Variants in ACTA2 observed in about 807,000 individuals in gnomAD.
ACTA2 encodes the protein actin, aortic smooth muscle.
Under a neutral mutation model 39.5 loss-of-function variants are expected in ACTA2, and 12 were observed. The ratio of observed to expected loss-of-function variants is 0.30; its 90% confidence interval spans 0.19 to 0.49. The LOEUF is 0.49. Among genes scored for constraint, ACTA2 ranks in the 20% least tolerant of loss-of-function variants. The probability of loss-of-function intolerance (pLI) is 0.99; values close to 1 mark genes in which losing one functional copy is unlikely to be tolerated. For synonymous variants in ACTA2, 158 were observed against 180.6 expected (o/e 0.88, Z 1.00); for missense variants, 236 against 498.8 (o/e 0.47, Z 5.02).
chr10:88,955,321 G>A (rs1296779932), upstream of ACTA2, among the ~76,000 whole-genome samples: 9 of 152,210 alleles, frequency 5.9e-5, no homozygotes, highest in Admixed American at 1.3e-4. Context: ...TGCTGGTGCC[G>A]AAAAATTGGG....
At chr10:88,941,075 A>G in intron 6 of ACTA2, 154 bp downstream of exon 6, 1 of 958,432 alleles carries the variant, frequency 1.0e-6, no homozygotes, top group Non-Finnish European at 1.6e-6. Context: ...AACTTCACAC[A>G]GCAAAGAAAG....
chr10:88,982,034 A>G (rs1211503707), intron 1 of ACTA2, among the ~76,000 whole-genome samples: 1 of 152,262 alleles, frequency 6.6e-6, no homozygotes, highest in Non-Finnish European at 1.5e-5. Context: ...GGTCTAACAC[A>G]TAGTGAGTGC....
chr10:88,984,690 C>A (rs999516469), intron 1 of ACTA2, among the ~76,000 whole-genome samples: 4 of 151,602 alleles, frequency 2.6e-5, no homozygotes, highest in Non-Finnish European at 5.9e-5. Flanking sequence ...TTTAGTTATT[C>A]ATGAAACCAC....
At chr10:88,963,449 A>G (rs1300411916) in intron 1 of ACTA2, among the ~76,000 whole-genome samples, 1 of 152,112 alleles carries the variant, frequency 6.6e-6, no homozygotes, top group Non-Finnish European at 1.5e-5. Context: ...GAAAGGGATG[A>G]CTAGAATCTC....
At chr10:88,967,593 C>T (rs1279839660) in intron 1 of ACTA2, among the ~76,000 whole-genome samples, 2 of 152,178 alleles carry the variant, frequency 1.3e-5, no homozygotes, top group Non-Finnish European at 2.9e-5. Context: ...CGCAGCTTGG[C>T]AACCTTCAAA....
At chr10:88,943,961 T>C (rs1589396384) in intron 3 of ACTA2, 54 bp from the exon 4 acceptor site, 1 of 1,528,044 alleles carries the variant, frequency 6.5e-7, no homozygotes, top group Non-Finnish European at 9.1e-7. Context: ...CATGAGGTCC[T>C]GCATTTCCCA....
Position 88,965,010 on chromosome 10 carries a change from A to G in ACTA2, c.-23-16057T>C, listed in dbSNP as rs193268736. ...CATATAGTCCAGCCCTGTGTATTCT[A>G]TTTCCAGAGCCGGGGATAGCTTCCC... On this transcript the variant is annotated intron_variant, in intron 1 of 4. Coordinates refer to the ACTA2 transcript ENST00000415557. 4.6e-5 allele frequency among the ~76,000 whole-genome samples: 7 copies of G among 152,188 alleles called. No homozygotes were observed. The East Asian group carries it at 9.6e-4, about 21-fold the overall frequency.
At chr10:88,970,203 A>C (rs146937387) in intron 1 of ACTA2, among the ~76,000 whole-genome samples, 18 of 152,272 alleles carry the variant, frequency 1.2e-4, no homozygotes, top group Non-Finnish European at 5.9e-5. Context: ...TTCTCTACTC[A>C]TAGGCAAAGT....
At chr10:88,955,536 A>G (rs2133288686), upstream of ACTA2, among the ~76,000 whole-genome samples, 1 of 152,330 alleles carries the variant, frequency 6.6e-6, no homozygotes, top group African/African-American at 2.4e-5. Context: ...CACAATGGCC[A>G]TCCTGCCACA....
At chr10:88,980,941 G>T (rs569454863) in intron 1 of ACTA2, among the ~76,000 whole-genome samples, 11 of 152,322 alleles carry the variant, frequency 7.2e-5, no homozygotes, top group Non-Finnish European at 1.3e-4. Flanking sequence ...GGTCACAAAG[G>T]GATAAAGTGA....
At chr10:88,974,890 T>C in intron 1 of ACTA2, 1 of 152,220 alleles carries the variant, frequency 6.6e-6, no homozygotes, top group East Asian at 1.9e-4. Context: ...AAATCCTAAA[T>C]GCTAGATCAC....
chr10:88,939,573 G>A lies in ACTA2; in HGVS notation c.742C>T (p.Gln248Ter). The part of the protein sequence containing the change: ...LEKSYELPDG[Q>*]VITIGNERFR... ...CGTTCATTTCCGATGGTGATCACTT[G>A]CCCATCAGGCAACTCGTAACTCTTC... Residue 248 changes from glutamine to a stop codon, truncating the protein, a stop_gained, in exon 7 of 9, where the codon CAA becomes TAA. Coordinates refer to ENST00000224784, the MANE Select transcript of ACTA2 (RefSeq NM_001613.4). LOFTEE classifies it high-confidence loss of function. 6.2e-7 allele frequency: 1 copy of A among 1,614,082 alleles called. No homozygotes were observed. The highest frequency in any genetic ancestry group is 8.5e-7 in the Non-Finnish European group (1 of 1,179,982).
In ACTA2 at chr10:88,975,587, G is replaced by C. The variant is rs1034900201; in HGVS notation, c.-24+15352C>G. Among the ~76,000 whole-genome samples, 13 of 152,148 alleles carry C rather than the reference G, an allele frequency of 8.5e-5. 1 individual carries two copies. The highest frequency in any genetic ancestry group is 2.4e-4 in the African/African-American group (10 of 41,422). ...AATAAATGTGTGGGCTCTGGGCTTA[G>C]GAAAATGGGGCCCTGACTACTTTTC... On this transcript the variant is annotated intron_variant, in intron 1 of 4. Transcript: ENST00000415557.
At chr10:88,989,473 T>C in intron 1 of ACTA2, 1 of 543,090 alleles carries the variant, frequency 1.8e-6, no homozygotes, top group South Asian at 1.4e-5. Flanking sequence ...TATTAGATGC[T>C]CAGAGTGTGT....
chr10:88,957,177 G>A (rs1019138960), upstream of ACTA2, among the ~76,000 whole-genome samples: 4 of 152,258 alleles, frequency 2.6e-5, no homozygotes, highest in African/African-American at 7.2e-5. Context: ...TGGCCAACTA[G>A]GAAAGTGGAA....
At chr10:88,975,501 T>A (rs907749047) in intron 1 of ACTA2, among the ~76,000 whole-genome samples, 1 of 152,128 alleles carries the variant, frequency 6.6e-6, no homozygotes, top group African/African-American at 2.4e-5. Context: ...ACGTAAAGAA[T>A]CAGGTGGAAC....
At chr10:88,950,644 G>T (rs1218025540) in intron 1 of ACTA2, among the ~76,000 whole-genome samples, 1 of 152,192 alleles carries the variant, frequency 6.6e-6, no homozygotes, top group Non-Finnish European at 1.5e-5. Flanking sequence ...GATACATTTA[G>T]GACAACGAAG....
intron 3 of ACTA2, among the ~76,000 whole-genome samples, chr10:88,945,154 TAAGGA>T (rs1246509940): frequency 6.6e-6 from 1 of 152,220 alleles, no homozygotes; most frequent in Non-Finnish European, 1.5e-5. Flanking sequence ...ATTTTAGAAA[TAAGGA>T]AAGTTTTTTC....
intron 3 of ACTA2, 44 bp from the exon 4 acceptor site, chr10:88,943,951 C>T (rs1301990472): frequency 1.9e-6 from 3 of 1,568,962 alleles, no homozygotes; most frequent in Non-Finnish European, 2.6e-6. Context: ...GATGTGCTGT[C>T]ATGAGGTCCT....
Sources: gnomAD v4.1 joint callset for allele counts (sites outside exome capture counted in the v4.1 genomes callset) on GRCh38, gnomAD v4.1.1 for gene constraint, MANE v1.5 for transcripts, NCBI Gene and HGNC (gene_info 2026-07-23, HGNC 2026-07-21) for gene names.